Variants in CLASP1 observed in about 807,000 individuals in gnomAD.
CLASP1 encodes CLIP-associating protein 1.
CLASP1 carries 38 observed loss-of-function variants against 192.3 expected under a neutral mutation model. The observed-to-expected ratio is 0.20, with a 90% CI of 0.15 to 0.26. CLASP1 has a LOEUF of 0.26. Ranked by LOEUF, CLASP1 falls within the 10% of genes least tolerant of loss-of-function variation. The pLI, the probability that CLASP1 is intolerant of heterozygous loss-of-function variation, is 1.00. For missense variants in CLASP1, 1,433 were observed against 1,932.5 expected (o/e 0.74, Z 4.85); for synonymous variants, 691 against 712.8 (o/e 0.97, Z 0.49).
At chr2:121,592,684 C>T (rs940753124) in intron 2 of CLASP1, among the ~76,000 whole-genome samples, 7 of 152,044 alleles carry the variant, frequency 4.6e-5, no homozygotes, top group Admixed American at 2.0e-4. Context: ...GACAGAGTCT[C>T]GCCGTCACCC....
At chr2:121,415,793 G>C (rs2149536693) in intron 23 of CLASP1, among the ~76,000 whole-genome samples, 1 of 152,192 alleles carries the variant, frequency 6.6e-6, no homozygotes, top group East Asian at 1.9e-4. Flanking sequence ...CTCACATTCA[G>C]TCATAAAATA....
At chr2:121,633,007 CATATAT>C (rs71398038) in intron 1 of CLASP1, among the ~76,000 whole-genome samples, 36 of 115,560 alleles carry the variant, frequency 3.1e-4, no homozygotes, top group African/African-American at 7.2e-4. Flanking sequence ...TATGTGTGTG[CATATAT>C]ATATATATAT....
rs1036675293 is a variant in CLASP1, at chr2:121,582,548, A to G, written c.195+23153T>C. ...AAAGAAAGACAGAAAGAAAGGCAGA[A>G]AAGAGGGAAAGACAGAAAGGAACAA... On this transcript the variant is annotated intron_variant, in intron 2 of 39. Transcript: ENST00000263710. Among the ~76,000 whole-genome samples, 3 of 151,448 alleles carry G rather than the reference A, an allele frequency of 2.0e-5. No individual in the cohort carries two copies. The East Asian group carries it at 5.8e-4, about 30-fold the overall frequency.
At chr2:121,382,964 G>A (rs1350784375) in intron 32 of CLASP1, among the ~76,000 whole-genome samples, 1 of 152,196 alleles carries the variant, frequency 6.6e-6, no homozygotes, top group Non-Finnish European at 1.5e-5. Flanking sequence ...TCAGAGTGCT[G>A]GGTCATAAAA....
chr2:121,445,654 G>A (rs1482992305), intron 19 of CLASP1, among the ~76,000 whole-genome samples: 1 of 152,174 alleles, frequency 6.6e-6, no homozygotes, highest in Non-Finnish European at 1.5e-5. Context: ...GGAAGTTGAG[G>A]TAGAATTCTC....
intron 13 of CLASP1, among the ~76,000 whole-genome samples, chr2:121,458,468 C>T (rs2087156370): frequency 6.6e-6 from 1 of 152,192 alleles, no homozygotes; most frequent in South Asian, 2.1e-4. Context: ...AGTAAAACCA[C>T]AAGCACCAAT....
At chr2:121,480,429 C>T (rs749397466) in intron 8 of CLASP1, among the ~76,000 whole-genome samples, 1 of 152,152 alleles carries the variant, frequency 6.6e-6, no homozygotes, top group Non-Finnish European at 1.5e-5. Context: ...TGCTACATAA[C>T]TTATAACCAG....
intron 36 of CLASP1, 42 bp from the exon 38 acceptor site, chr2:121,363,342 C>T (rs778833854): frequency 9.3e-6 from 15 of 1,608,788 alleles, no homozygotes; most frequent in Non-Finnish European, 1.3e-5. Flanking sequence ...AAACACCACA[C>T]AGCACTTTCA....
intron 23 of CLASP1, among the ~76,000 whole-genome samples, chr2:121,415,641 A>G (rs977663512): frequency 6.6e-6 from 1 of 152,216 alleles, no homozygotes; most frequent in Non-Finnish European, 1.5e-5. Context: ...CTCAGGAAAA[A>G]CAAAAGATAA....
At chr2:121,638,271 A>G (rs2071283550) in intron 1 of CLASP1, among the ~76,000 whole-genome samples, 1 of 152,132 alleles carries the variant, frequency 6.6e-6, no homozygotes, top group South Asian at 2.1e-4. Context: ...TACTACTTAT[A>G]TTATAGAATG....
chr2:121,432,157 C>A (rs987382843), intron 19 of CLASP1, among the ~76,000 whole-genome samples: 1 of 152,112 alleles, frequency 6.6e-6, no homozygotes, highest in Non-Finnish European at 1.5e-5. Flanking sequence ...TTCTGTCGCC[C>A]ATGCTGGAGT....
intron 1 of CLASP1, among the ~76,000 whole-genome samples, chr2:121,626,843 T>C (rs1174215336): frequency 1.3e-5 from 2 of 152,198 alleles, no homozygotes; most frequent in Non-Finnish European, 2.9e-5. Flanking sequence ...GACACACGTA[T>C]CATTTAGGAA....
chr2:121,394,466 G>A (rs2074940025), intron 30 of CLASP1, among the ~76,000 whole-genome samples: 2 of 152,212 alleles, frequency 1.3e-5, no homozygotes, highest in African/African-American at 4.8e-5. Context: ...GAAGAGAAAT[G>A]AGCTGTTAAT....
At chr2:121,576,491 AG>A (rs1337022064) in intron 2 of CLASP1, among the ~76,000 whole-genome samples, 1 of 152,218 alleles carries the variant, frequency 6.6e-6, no homozygotes, top group Non-Finnish European at 1.5e-5. Context: ...AAGATGTTCT[AG>A]GCTTATCTAT....
chr2:121,494,176 T>C (rs564214022), intron 8 of CLASP1, among the ~76,000 whole-genome samples: 22 of 152,312 alleles, frequency 1.4e-4, no homozygotes, highest in Middle Eastern at 3.4e-3. Flanking sequence ...CTGTTCACAA[T>C]AGCCAAGATT....
At chr2:121,528,776 C>T (rs774231511) in exon 4 of CLASP1, 1 of 1,611,850 alleles carries the variant, frequency 6.2e-7, no homozygotes, top group African/African-American at 1.3e-5. Flanking sequence ...TTAGACTTGG[C>T]AGCACTGAAA....
chr2:121,402,430 G>C (rs531988601), intron 26 of CLASP1, among the ~76,000 whole-genome samples: 1 of 152,256 alleles, frequency 6.6e-6, no homozygotes, highest in Admixed American at 6.5e-5. Context: ...TGTTCTACTT[G>C]GACAAACCAC....
chr2:121,420,369 G>A (rs1442341511), intron 22 of CLASP1, among the ~76,000 whole-genome samples: 1 of 152,116 alleles, frequency 6.6e-6, no homozygotes, highest in Non-Finnish European at 1.5e-5. Context: ...AAAAAACTAG[G>A]GAGCGTGTGT....
chr2:121,383,103 C>G (rs530752359), intron 32 of CLASP1, among the ~76,000 whole-genome samples: 1 of 152,304 alleles, frequency 6.6e-6, no homozygotes, highest in East Asian at 1.9e-4. Context: ...AGAGTTCTAA[C>G]AACTGTTGCA....
Sources: gnomAD v4.1 joint callset for allele counts (sites outside exome capture counted in the v4.1 genomes callset) on GRCh38, gnomAD v4.1.1 for gene constraint, MANE v1.5 for transcripts, NCBI Gene and HGNC (gene_info 2026-07-23, HGNC 2026-07-21) for gene names.